SPOCK3: variants seen among roughly 807,000 people sequenced by gnomAD.
The protein encoded by SPOCK3 is SPARC (osteonectin), cwcv and kazal like domains proteoglycan 3, also known as testican-3.
A neutral mutation model predicts 56.6 loss-of-function variants in SPOCK3; 30 were observed. The observed-to-expected ratio is 0.53, with a 90% CI of 0.40 to 0.72. The LOEUF is 0.72. Ranked by LOEUF, SPOCK3 falls within the 30% of genes least tolerant of loss-of-function variation. The probability of loss-of-function intolerance (pLI) is 0.00; values close to 1 mark genes in which losing one functional copy is unlikely to be tolerated. For missense variants in SPOCK3, 527 were observed against 530.0 expected, an observed-to-expected ratio of 0.99 and a Z score of 0.06; for synonymous variants, 196 against 183.3, an observed-to-expected ratio of 1.07 and a Z score of -0.56.
At chr4:167,055,782 TAAAC>T (rs1218202551) in intron 3 of SPOCK3, among the ~76,000 whole-genome samples, 1 of 152,114 alleles carries the variant, frequency 6.6e-6, no homozygotes, top group Non-Finnish European at 1.5e-5. Flanking sequence ...CTTGCTTAGA[TAAAC>T]AAAGCAGCCA....
chr4:167,053,491 C>T (rs576340722), intron 3 of SPOCK3, among the ~76,000 whole-genome samples: 2 of 152,072 alleles, frequency 1.3e-5, no homozygotes, highest in Admixed American at 1.3e-4. Flanking sequence ...TCGAGACCAC[C>T]CTGGCCAACA....
intron 4 of SPOCK3, among the ~76,000 whole-genome samples, chr4:166,993,741 G>T (rs1748052526): frequency 2.0e-5 from 3 of 152,134 alleles, no homozygotes; most frequent in Non-Finnish European, 4.4e-5. Flanking sequence ...ATATTCGTGG[G>T]TTAACAAGCA....
At chr4:166,936,745 TTA>T (rs1179673790) in intron 4 of SPOCK3, among the ~76,000 whole-genome samples, 6 of 152,124 alleles carry the variant, frequency 3.9e-5, no homozygotes, top group Non-Finnish European at 4.4e-5. Context: ...ATTTCTACTT[TTA>T]GTTTTAATGA....
intron 4 of SPOCK3, among the ~76,000 whole-genome samples, chr4:166,948,483 G>A (rs1317253201): frequency 6.6e-6 from 1 of 152,092 alleles, no homozygotes. Context: ...CCTACCAACA[G>A]TGTGTTAGAG....
At chr4:166,853,813 C>T (rs1730381377) in intron 6 of SPOCK3, among the ~76,000 whole-genome samples, 2 of 151,674 alleles carry the variant, frequency 1.3e-5, no homozygotes, top group Admixed American at 1.3e-4. Context: ...ACCCAGAAGG[C>T]GGAGGTTGCA....
intron 2 of SPOCK3, among the ~76,000 whole-genome samples, chr4:167,229,076 AT>A (rs1471968582): frequency 6.6e-6 from 1 of 152,188 alleles, no homozygotes; most frequent in Non-Finnish European, 1.5e-5. Context: ...ATAGGTAATT[AT>A]TACCACAGTT....
At chr4:166,873,044 G>T (rs1732649926) in intron 6 of SPOCK3, among the ~76,000 whole-genome samples, 1 of 152,008 alleles carries the variant, frequency 6.6e-6, no homozygotes, top group African/African-American at 2.4e-5. Flanking sequence ...CTTTCGGAGG[G>T]CATTAGTCTC....
At chr4:167,120,121 C>G (rs1330408364) in intron 2 of SPOCK3, among the ~76,000 whole-genome samples, 2 of 151,972 alleles carry the variant, frequency 1.3e-5, no homozygotes, top group Non-Finnish European at 1.5e-5. Context: ...AAAATTACAC[C>G]TAATTTCAAG....
intron 2 of SPOCK3, among the ~76,000 whole-genome samples, chr4:167,207,997 T>G (rs1250193262): frequency 6.6e-6 from 1 of 152,198 alleles, no homozygotes; most frequent in Admixed American, 6.6e-5. Flanking sequence ...AATGGCCTTC[T>G]GAGCTTCTCA....
intron 4 of SPOCK3, among the ~76,000 whole-genome samples, chr4:166,926,123 A>G (rs562904102): frequency 2.0e-5 from 3 of 152,306 alleles, no homozygotes; most frequent in East Asian, 1.9e-4. Flanking sequence ...ATAGTCATCA[A>G]GAGAAAATAA....
At chr4:167,146,099 T>A (rs961618161) in intron 2 of SPOCK3, among the ~76,000 whole-genome samples, 2 of 151,562 alleles carry the variant, frequency 1.3e-5, no homozygotes, top group East Asian at 3.9e-4. Flanking sequence ...AGGCTCAAAA[T>A]AAAGGGATGG....
intron 2 of SPOCK3, among the ~76,000 whole-genome samples, chr4:167,082,298 C>T (rs1255991535): frequency 6.6e-6 from 1 of 151,970 alleles, no homozygotes; most frequent in Non-Finnish European, 1.5e-5. Flanking sequence ...GCCTCAAACC[C>T]CTTGTGTGAT....
chr4:166,766,556 T>A (rs1474724851), intron 7 of SPOCK3, among the ~76,000 whole-genome samples: 2 of 152,176 alleles, frequency 1.3e-5, no homozygotes, highest in Non-Finnish European at 2.9e-5. Context: ...TCGTGGTGGA[T>A]AAGCTTTTTG....
At chr4:167,199,149 T>G (rs1308003038) in intron 2 of SPOCK3, among the ~76,000 whole-genome samples, 1 of 151,784 alleles carries the variant, frequency 6.6e-6, no homozygotes, top group African/African-American at 2.4e-5. Context: ...ATACATAAAG[T>G]CACAGAAATC....
Position 166,754,605 on chromosome 4 carries a change from A to T in SPOCK3, c.834T>A (p.Asn278Lys), listed in dbSNP as rs1359390766. 1 of 1,613,728 alleles carries T rather than the reference A, an allele frequency of 6.2e-7. No individual in the cohort carries two copies. The change falls in exon 8 of 11, where the codon AAT (asparagine) becomes AAA (lysine). Residue 278 changes from asparagine to lysine, a missense_variant. Transcript: ENST00000357545. ...TGAAGAATGCCTTGGTACACTGTTC[A>T]TTCTTATCAAGGTAAATGCTTCTGA... The part of the protein sequence containing the change: ...SELRSIYLDK[N>K]EQCTKAFFNS...
intron 9 of SPOCK3, among the ~76,000 whole-genome samples, chr4:166,741,505 A>T (rs958553147): frequency 1.3e-5 from 2 of 152,178 alleles, no homozygotes; most frequent in African/African-American, 4.8e-5. Flanking sequence ...TTTGAATAAA[A>T]TCTGAAATAT....
At chr4:167,054,162 T>G (rs1303990285) in intron 3 of SPOCK3, among the ~76,000 whole-genome samples, 7 of 152,144 alleles carry the variant, frequency 4.6e-5, no homozygotes, top group Non-Finnish European at 2.9e-5. Context: ...AGGTGATCCT[T>G]GTAGATAGGG....
intron 6 of SPOCK3, among the ~76,000 whole-genome samples, chr4:166,885,247 G>A (rs1185685402): frequency 6.7e-6 from 1 of 149,520 alleles, no homozygotes; most frequent in Non-Finnish European, 1.5e-5. Context: ...TATCCTTGCT[G>A]GGACTTGGTT....
chr4:167,052,130 T>C (rs527523528), intron 3 of SPOCK3, among the ~76,000 whole-genome samples: 4 of 152,322 alleles, frequency 2.6e-5, no homozygotes, highest in South Asian at 4.1e-4. Flanking sequence ...TCATTTGGTA[T>C]AGAACAAAAC....
Sources: gnomAD v4.1 joint callset for allele counts (sites outside exome capture counted in the v4.1 genomes callset) on GRCh38, gnomAD v4.1.1 for gene constraint, MANE v1.5 for transcripts, NCBI Gene and HGNC (gene_info 2026-07-23, HGNC 2026-07-21) for gene names.